The following SH2D4A variants were observed in gnomAD, a reference collection of about 807,000 sequenced individuals.
The protein encoded by SH2D4A is SH2 domain-containing protein 4A.
Under a neutral mutation model 64.7 loss-of-function variants are expected in SH2D4A, and 70 were observed. The observed-to-expected ratio is 1.08, with a 90% CI of 0.89 to 1.32. The LOEUF (loss-of-function observed/expected upper bound fraction) is 1.32. SH2D4A is among the 40% of genes most tolerant of loss of function. The pLI, the probability that SH2D4A is intolerant of heterozygous loss-of-function variation, is 0.00. For synonymous variants in SH2D4A, 268 were observed against 200.7 expected, an observed-to-expected ratio of 1.34 and a Z score of -2.83; for missense variants, 706 against 540.1, an observed-to-expected ratio of 1.31 and a Z score of -3.04.
chr8:19,348,541 C>G (rs188459485), intron 4 of SH2D4A, among the ~76,000 whole-genome samples: 1 of 152,294 alleles, frequency 6.6e-6, no homozygotes, highest in Admixed American at 6.5e-5. Flanking sequence ...AGAGCGCTGT[C>G]CACTCCGGAA....
Position 19,334,812 on chromosome 8 carries a change from G to A in SH2D4A, c.468G>A (p.Glu156=). 1 of 1,614,030 alleles carries A rather than the reference G, an allele frequency of 6.2e-7. No individual in the cohort carries two copies. Among genetic ancestry groups the A allele is most frequent in the Non-Finnish European group, 8.5e-7 (1 of 1,179,986 alleles). Residue 156 remains glutamate, a synonymous_variant, in exon 4 of 10, where the codon GAG becomes GAA. Coordinates refer to ENST00000265807, the MANE Select transcript of SH2D4A (RefSeq NM_022071.4). The stretch of plus-strand genomic sequence containing the variant: ...AAGTGGCAGAAAAGGAGGAACTGGA[G>A]CAAGGATCGAGGCCAGCACCAACCC... The part of the protein sequence containing the change: ...WKKVAEKEEL[E]QGSRPAPTLE...
At chr8:19,379,064 G>C (rs2053245588) in intron 8 of SH2D4A, among the ~76,000 whole-genome samples, 1 of 137,712 alleles carries the variant, frequency 7.3e-6, no homozygotes, top group Non-Finnish European at 1.5e-5. Flanking sequence ...TTGGAAGACA[G>C]ACCCTGCCTT....
chr8:19,320,602 T>C (rs529698246), intron 2 of SH2D4A, among the ~76,000 whole-genome samples: 61 of 123,778 alleles, frequency 4.9e-4, no homozygotes, highest in Non-Finnish European at 7.9e-4. Context: ...CCACCCTGGG[T>C]GACAGAGTGA....
chr8:19,384,965 A>T (rs2053360155), intron 8 of SH2D4A, among the ~76,000 whole-genome samples: 1 of 152,202 alleles, frequency 6.6e-6, no homozygotes, highest in African/African-American at 2.4e-5. Flanking sequence ...TTTATGTATC[A>T]ATAGTTGATC....
At chr8:19,318,763 T>C (rs1388951958) in intron 1 of SH2D4A, among the ~76,000 whole-genome samples, 2 of 152,238 alleles carry the variant, frequency 1.3e-5, no homozygotes, top group African/African-American at 2.4e-5. Flanking sequence ...CATTATCCTT[T>C]TGTGAAGAGG....
intron 2 of SH2D4A, among the ~76,000 whole-genome samples, chr8:19,331,575 G>T (rs943406645): frequency 1.3e-5 from 2 of 152,130 alleles, no homozygotes; most frequent in African/African-American, 4.8e-5. Flanking sequence ...GTAAACAAGG[G>T]TTATTTAAGT....
intron 6 of SH2D4A, among the ~76,000 whole-genome samples, chr8:19,363,075 G>A (rs543096690): frequency 3.3e-5 from 5 of 151,650 alleles, no homozygotes; most frequent in African/African-American, 1.2e-4. Flanking sequence ...TGGGGGTATT[G>A]ATTATTTTTA....
chr8:19,349,534 G>A (rs1191284305), intron 4 of SH2D4A, among the ~76,000 whole-genome samples: 1 of 152,086 alleles, frequency 6.6e-6, no homozygotes, highest in Non-Finnish European at 1.5e-5. Flanking sequence ...TTCACTTATT[G>A]AACTCATTAA....
intron 4 of SH2D4A, among the ~76,000 whole-genome samples, chr8:19,336,250 C>G (rs1006631357): frequency 6.6e-6 from 1 of 152,178 alleles, no homozygotes; most frequent in African/African-American, 2.4e-5. Context: ...TAAATATTAA[C>G]TACTAACTCC....
chr8:19,353,694 TTAA>T (rs2052745731), intron 4 of SH2D4A, among the ~76,000 whole-genome samples: 1 of 148,882 alleles, frequency 6.7e-6, no homozygotes, highest in African/African-American at 2.5e-5. Context: ...TTTTTTTTTT[TTAA>T]TAAAGGAAAT....
At chr8:19,389,988 G>A (rs370752529) in intron 8 of SH2D4A, among the ~76,000 whole-genome samples, 1 of 152,216 alleles carries the variant, frequency 6.6e-6, no homozygotes, top group African/African-American at 2.4e-5. Flanking sequence ...CAGCACCAAT[G>A]TGTCATAGCC....
chr8:19,337,546 A>T (rs879661849), intron 4 of SH2D4A, among the ~76,000 whole-genome samples: 6 of 152,072 alleles, frequency 3.9e-5, no homozygotes, highest in Admixed American at 6.5e-5. Context: ...GGAAAATGTG[A>T]GAGAGAGTGT....
chr8:19,353,695 T>A (rs34916232), intron 4 of SH2D4A, among the ~76,000 whole-genome samples: 1,924 of 146,294 alleles, frequency 0.013, 49 homozygotes, highest in African/African-American at 0.045. Context: ...TTTTTTTTTT[T>A]AATAAAGGAA....
At chr8:19,350,257 A>G (rs1478773419) in intron 4 of SH2D4A, among the ~76,000 whole-genome samples, 1 of 152,132 alleles carries the variant, frequency 6.6e-6, no homozygotes, top group African/African-American at 2.4e-5. Flanking sequence ...ACTCCCTCGC[A>G]TGTGAATGCT....
At chr8:19,324,193 C>A (rs2052236711) in intron 2 of SH2D4A, among the ~76,000 whole-genome samples, 1 of 152,142 alleles carries the variant, frequency 6.6e-6, no homozygotes, top group South Asian at 2.1e-4. Context: ...AAGACGCCTT[C>A]GCTTAGCAGC....
chr8:19,356,952 C>G (rs1010463270), intron 4 of SH2D4A, among the ~76,000 whole-genome samples: 2 of 152,184 alleles, frequency 1.3e-5, no homozygotes, highest in African/African-American at 4.8e-5. Context: ...CAAAATATAC[C>G]AAACCACCAG....
chr8:19,343,242 T>G (rs1373075421), intron 4 of SH2D4A, among the ~76,000 whole-genome samples: 1 of 151,810 alleles, frequency 6.6e-6, no homozygotes, highest in Non-Finnish European at 1.5e-5. Context: ...CCTGGCAACA[T>G]AGCAAGACAC....
At chr8:19,328,847 T>G (rs1309054671) in intron 2 of SH2D4A, among the ~76,000 whole-genome samples, 2 of 152,224 alleles carry the variant, frequency 1.3e-5, no homozygotes, top group Non-Finnish European at 2.9e-5. Context: ...AACTCAGGCT[T>G]GGAGACATAA....
At chr8:19,340,259 A>G (rs1352763935) in intron 4 of SH2D4A, among the ~76,000 whole-genome samples, 1 of 152,188 alleles carries the variant, frequency 6.6e-6, no homozygotes, top group African/African-American at 2.4e-5. Context: ...CAGGCAAGAC[A>G]GGGTCTTGGG....
Sources: gnomAD v4.1 joint callset for allele counts (sites outside exome capture counted in the v4.1 genomes callset) on GRCh38, gnomAD v4.1.1 for gene constraint, MANE v1.5 for transcripts, NCBI Gene and HGNC (gene_info 2026-07-23, HGNC 2026-07-21) for gene names.